FYN: variants seen among roughly 807,000 people sequenced by gnomAD.
The protein encoded by FYN is FYN proto-oncogene, Src family tyrosine kinase, also known as tyrosine-protein kinase Fyn.
A neutral mutation model predicts 70.2 loss-of-function variants in FYN; 10 were observed. The observed-to-expected ratio is 0.14, with a 90% CI of 0.09 to 0.24. The LOEUF (loss-of-function observed/expected upper bound fraction) is 0.24, where lower values mean the gene tolerates loss of function less well. Among genes scored for constraint, FYN ranks in the 10% least tolerant of loss-of-function variants. FYN has a pLI of 1.00. For missense variants in FYN, 319 were observed against 673.1 expected, an observed-to-expected ratio of 0.47 and a Z score of 5.82; for synonymous variants, 236 against 248.6, an observed-to-expected ratio of 0.95 and a Z score of 0.48.
At chr6:111,709,278 A>T (rs1800255667) in intron 5 of FYN, among the ~76,000 whole-genome samples, 2 of 152,190 alleles carry the variant, frequency 1.3e-5, no homozygotes, top group South Asian at 4.1e-4. Flanking sequence ...GCCATGGTAA[A>T]GATGCTCCCC....
chr6:111,864,512 C>G (rs1774050481), intron 1 of FYN, among the ~76,000 whole-genome samples: 1 of 152,170 alleles, frequency 6.6e-6, no homozygotes, highest in Admixed American at 6.5e-5. Flanking sequence ...GCCTGCCCCA[C>G]TGTCCTACCC....
chr6:111,703,155 C>A, intron 7 of FYN, 121 bp from the exon 8 acceptor site: 2 of 794,212 alleles, frequency 2.5e-6, no homozygotes, highest in Non-Finnish European at 4.1e-6. Context: ...TGTACACACA[C>A]ACAGCATCTC....
intron 4 of FYN, among the ~76,000 whole-genome samples, chr6:111,717,901 C>A (rs1029222737): frequency 2.0e-5 from 3 of 152,168 alleles, no homozygotes; most frequent in African/African-American, 7.2e-5. Context: ...GGACTTTCCT[C>A]AGGAGAGTTA....
At chr6:111,668,314 G>A (rs1395457482) in intron 13 of FYN, among the ~76,000 whole-genome samples, 1 of 152,164 alleles carries the variant, frequency 6.6e-6, no homozygotes, top group Non-Finnish European at 1.5e-5. Context: ...AACTTATCTT[G>A]AGAAGGTACA....
At chr6:111,687,632 A>G (rs7765279) in intron 12 of FYN, among the ~76,000 whole-genome samples, 106 of 142,502 alleles carry the variant, frequency 7.4e-4, no homozygotes, top group Non-Finnish European at 4.9e-4. Context: ...GTGTGTGTGT[A>G]TGTGTGTGTC....
chr6:111,703,344 AG>A (rs1799927781), intron 7 of FYN, among the ~76,000 whole-genome samples: 2 of 152,178 alleles, frequency 1.3e-5, no homozygotes. Flanking sequence ...CTTTCCCCCA[AG>A]GGTAAAGAAG....
chr6:111,721,169 GCC>G (rs2128463021), intron 3 of FYN, among the ~76,000 whole-genome samples: 1 of 152,256 alleles, frequency 6.6e-6, no homozygotes, highest in South Asian at 2.1e-4. Flanking sequence ...CGACTGCCCT[GCC>G]CTTCCAGGCT....
intron 5 of FYN, among the ~76,000 whole-genome samples, chr6:111,710,968 G>A (rs1372138267): frequency 3.3e-5 from 5 of 152,164 alleles, no homozygotes. Context: ...GCCTGGCGCT[G>A]GTTTAGAATG....
intron 2 of FYN, among the ~76,000 whole-genome samples, chr6:111,820,444 T>A (rs777388433): frequency 1.3e-5 from 2 of 152,116 alleles, no homozygotes; most frequent in African/African-American, 2.4e-5. Flanking sequence ...GTGATCTTAA[T>A]GACAAAAGCA....
chr6:111,760,839 T>C (rs912954469), intron 3 of FYN, among the ~76,000 whole-genome samples: 20 of 152,190 alleles, frequency 1.3e-4, no homozygotes, highest in Admixed American at 6.5e-4. Context: ...TGACCATTTC[T>C]CCCCTGCTCT....
rs150014675 is a variant in FYN at position 111,719,126 on chromosome 6, G to C, written c.247+679C>G. Among the ~76,000 whole-genome samples, 419 of 152,272 alleles carry C rather than the reference G, an allele frequency of 2.8e-3. 2 individuals carry two copies. The highest frequency in any genetic ancestry group is 9.8e-3 in the African/African-American group (405 of 41,538). On this transcript the variant is annotated intron_variant, in intron 4 of 13. Coordinates refer to ENST00000354650, the MANE Select transcript of FYN (RefSeq NM_002037.5). The stretch of plus-strand genomic sequence containing the variant: ...TGGAACAAATAATGTGAAATATCTA[G>C]TTACCATGGTTCACATACTCAGAGA...
chr6:111,767,336 C>T, intron 3 of FYN, among the ~76,000 whole-genome samples: 1 of 152,152 alleles, frequency 6.6e-6, no homozygotes, highest in South Asian at 2.1e-4. Flanking sequence ...CTTAAATGTG[C>T]TCTCCTTCAA....
intron 8 of FYN, among the ~76,000 whole-genome samples, chr6:111,701,248 A>G (rs1327115292): frequency 6.6e-6 from 1 of 152,192 alleles, no homozygotes; most frequent in East Asian, 1.9e-4. Flanking sequence ...TTAAATGCCA[A>G]GTAAAAATCA....
chr6:111,764,491 C>T (rs960433482), intron 3 of FYN, among the ~76,000 whole-genome samples: 1 of 152,178 alleles, frequency 6.6e-6, no homozygotes, highest in Non-Finnish European at 1.5e-5. Context: ...TGTGAAACCA[C>T]ACTTTCCAGC....
Position 111,728,534 on chromosome 6 carries a change from C to T in FYN, c.-11-8472G>A, listed in dbSNP as rs1365501956. On this transcript the variant is annotated intron_variant, in intron 3 of 13. Coordinates refer to ENST00000354650, the MANE Select transcript of FYN (RefSeq NM_002037.5). ...TTCTCTCCCCAGCCCCTGGCAACCACGAATCTAATTTCTGTCTCTATGGAT... is the reference window on the plus strand; with the variant it reads ...TTCTCTCCCCAGCCCCTGGCAACCATGAATCTAATTTCTGTCTCTATGGAT... 2.0e-5 allele frequency among the ~76,000 whole-genome samples: 3 copies of T among 152,156 alleles called. No individual in the cohort carries two copies. The East Asian group carries it at 5.8e-4, about 29-fold the overall frequency.
intron 3 of FYN, among the ~76,000 whole-genome samples, chr6:111,758,586 T>A (rs1409644875): frequency 1.3e-5 from 2 of 152,202 alleles, no homozygotes; most frequent in Non-Finnish European, 2.9e-5. Flanking sequence ...AAGCCAAGTG[T>A]CCTGCTGATT....
intron 2 of FYN, among the ~76,000 whole-genome samples, chr6:111,795,785 A>G (rs1334518796): frequency 6.6e-6 from 1 of 152,232 alleles, no homozygotes; most frequent in Non-Finnish European, 1.5e-5. Context: ...TTCACCTGAT[A>G]AAGAAACTAA....
chr6:111,687,629 T>A (rs1342606943), intron 12 of FYN, among the ~76,000 whole-genome samples: 7 of 149,156 alleles, frequency 4.7e-5, no homozygotes, highest in Non-Finnish European at 7.4e-5. Flanking sequence ...TGTGTGTGTG[T>A]GTATGTGTGT....
chr6:111,680,521 C>T (rs1798737218), intron 12 of FYN, among the ~76,000 whole-genome samples: 2 of 152,220 alleles, frequency 1.3e-5, no homozygotes, highest in Admixed American at 1.3e-4. Context: ...GTTCTTTCCC[C>T]TTGTCTTTTA....
Sources: allele counts gnomAD v4.1 joint callset (sites outside exome capture counted in the v4.1 genomes callset), GRCh38; gene constraint gnomAD v4.1.1; transcripts MANE v1.5; gene names NCBI Gene and HGNC (gene_info 2026-07-23, HGNC 2026-07-21).